Variants in TRPM8 observed in about 807,000 individuals in gnomAD.
TRPM8 encodes the protein transient receptor potential cation channel subfamily M member 8.
TRPM8 carries 110 observed loss-of-function variants against 133.7 expected under a neutral mutation model. The ratio of observed to expected loss-of-function variants is 0.82; its 90% confidence interval spans 0.70 to 0.96. The LOEUF (loss-of-function observed/expected upper bound fraction) is 0.96. TRPM8 is among the 40% of genes least tolerant of loss of function. The pLI is 0.00. For missense variants in TRPM8, 1,291 were observed against 1,379.5 expected (o/e 0.94, Z 1.02); for synonymous variants, 535 against 532.3 (o/e 1.01, Z -0.07).
At chr2:233,956,555 A>G (rs966264138) in intron 11 of TRPM8, among the ~76,000 whole-genome samples, 1 of 152,168 alleles carries the variant, frequency 6.6e-6, no homozygotes, top group Non-Finnish European at 1.5e-5. Context: ...GTGATAATAT[A>G]TGTAATTTTA....
intron 3 of TRPM8, among the ~76,000 whole-genome samples, chr2:233,935,317 G>T (rs75138265): frequency 0.023 from 3,542 of 152,324 alleles, 241 homozygotes; most frequent in East Asian, 0.23. Context: ...ATGTATGGTT[G>T]CTGGGCTGTG....
At chr2:234,004,635 T>A (rs569812815) in intron 22 of TRPM8, among the ~76,000 whole-genome samples, 2 of 152,364 alleles carry the variant, frequency 1.3e-5, no homozygotes, top group Admixed American at 1.3e-4. Flanking sequence ...TAAAAATGTA[T>A]GCTACACAGT....
chr2:234,006,427 T>G (rs1191459082), intron 22 of TRPM8, among the ~76,000 whole-genome samples: 1 of 152,202 alleles, frequency 6.6e-6, no homozygotes, highest in Non-Finnish European at 1.5e-5. Flanking sequence ...CCTCCAGAGC[T>G]CCTACCCCAG....
rs1692847091 is a variant in TRPM8 at position 234,011,868 on chromosome 2, G to T, written c.3265-2694G>T. Among the ~76,000 whole-genome samples, 4 of 136,432 alleles carry T rather than the reference G, an allele frequency of 2.9e-5. No homozygotes were observed. The South Asian group carries it at 9.2e-4, about 31-fold the overall frequency. 89.5% of individuals were successfully genotyped at this position (136,432 alleles called of 152,430 possible). ...GGAGGCAGAGCTTGCAGTGAACCGA[G>T]ATCGCGCCACTGCACTCCAGCCTGG... On this transcript the variant is annotated intron_variant, in intron 24 of 25. Coordinates refer to ENST00000324695, the MANE Select transcript of TRPM8 (RefSeq NM_024080.5).
In TRPM8 at chr2:233,966,671, C is replaced by T. The variant is rs768473436; in HGVS notation, c.1941C>T (p.Ser647=). 41 of 1,613,910 alleles carry T rather than the reference C, an allele frequency of 2.5e-5. No individual in the cohort carries two copies. In the Admixed American group the frequency reaches 6.8e-4, roughly 27 times the overall value. ...EDLAEQLLVY[S]CEAWGGSNCL... ...TGGCAGAACAGCTGCTGGTCTATTC[C>T]TGTGAAGCTTGGGGTGGAAGCAACT... The change falls in exon 15 of 26, where the codon TCC becomes TCT. Residue 647 remains serine (S), a synonymous_variant. Coordinates refer to ENST00000324695, the MANE Select transcript of TRPM8 (RefSeq NM_024080.5).
At chr2:233,966,787 C>T (rs201232735) in intron 15 of TRPM8, 32 bp downstream of exon 15, 55 of 1,488,304 alleles carry the variant, frequency 3.7e-5, no homozygotes, top group Middle Eastern at 3.6e-4. Flanking sequence ...GACCACACGG[C>T]CAGAAATGGG....
At chr2:234,004,128 T>C (rs1001914699) in intron 22 of TRPM8, among the ~76,000 whole-genome samples, 10 of 152,182 alleles carry the variant, frequency 6.6e-5, no homozygotes, top group Admixed American at 1.3e-4. Flanking sequence ...TGGACCTGTC[T>C]CCCAAGTGGG....
At chr2:233,988,374 G>A (rs929268914) in intron 21 of TRPM8, among the ~76,000 whole-genome samples, 1 of 152,008 alleles carries the variant, frequency 6.6e-6, no homozygotes, top group East Asian at 1.9e-4. Flanking sequence ...AGCCCCTATG[G>A]CACTCTTTTA....
intron 2 of TRPM8, among the ~76,000 whole-genome samples, chr2:233,928,997 C>CT (rs750819533): frequency 0.019 from 2,263 of 117,588 alleles, 98 homozygotes; most frequent in African/African-American, 0.077. Context: ...AGTTTCTTTT[C>CT]TTTTTTTTTT....
At chr2:234,012,623 G>T (rs1431999756) in intron 24 of TRPM8, among the ~76,000 whole-genome samples, 1 of 151,732 alleles carries the variant, frequency 6.6e-6, no homozygotes, top group African/African-American at 2.4e-5. Context: ...GATTTCTCTG[G>T]CTAGAACTTG....
At chr2:234,009,747 G>C (rs6431652) in intron 24 of TRPM8, among the ~76,000 whole-genome samples, 113,721 of 152,032 alleles carry the variant, frequency 0.75, 42,978 homozygotes, top group African/African-American at 0.85. Flanking sequence ...TTTACTCACA[G>C]AGAATTTTAG....
chr2:233,976,244 T>C (rs1691870442), intron 17 of TRPM8, among the ~76,000 whole-genome samples: 1 of 152,164 alleles, frequency 6.6e-6, no homozygotes, highest in Non-Finnish European at 1.5e-5. Context: ...AGTCTTACAC[T>C]TACTGGGAGG....
At chr2:233,975,191 G>A (rs112936902) in intron 17 of TRPM8, among the ~76,000 whole-genome samples, 2 of 5,108 alleles carry the variant, frequency 3.9e-4, no homozygotes, top group African/African-American at 1.0e-3. Flanking sequence ...TTTGGTCCTC[G>A]GGCTAGCACA....
intron 17 of TRPM8, among the ~76,000 whole-genome samples, chr2:233,977,578 A>G (rs1309646281): frequency 6.6e-6 from 1 of 152,048 alleles, no homozygotes; most frequent in African/African-American, 2.4e-5. Context: ...CCCTTATCTT[A>G]CCAGGCACCA....
At position 233,927,785 on chromosome 2, in the gene TRPM8, T is replaced by C. The variant is rs1030448112; in HGVS notation, c.117+1131T>C. On this transcript the variant is annotated intron_variant, in intron 2 of 25. Transcript: ENST00000324695. The stretch of plus-strand genomic sequence containing the variant: ...TTCTTTCTTTCTTTCTTTCTTTCTT[T>C]CTTTCTTTTCTTTCCTTCCTTCCTT... 6.2e-3 allele frequency among the ~76,000 whole-genome samples: 297 copies of C among 47,836 alleles called. 25 individuals are homozygous for C. Among genetic ancestry groups the C allele is most frequent in the African/African-American group, 0.035 (101 of 2,868 alleles). The allele number at this position is 47,836 out of a possible 152,430, so 31.4% of individuals were successfully genotyped here. A position where few individuals can be genotyped will look rare whatever the true frequency, so the allele number is the denominator to read the frequency against.
chr2:233,991,886 C>T (rs143585064), intron 21 of TRPM8, among the ~76,000 whole-genome samples: 148 of 152,250 alleles, frequency 9.7e-4, no homozygotes, highest in Middle Eastern at 6.8e-3. Context: ...TCTTCTTTCT[C>T]CTTCCCCCAA....
intron 12 of TRPM8, among the ~76,000 whole-genome samples, chr2:233,961,802 G>A (rs955693313): frequency 6.6e-6 from 1 of 151,274 alleles, no homozygotes; most frequent in Non-Finnish European, 1.5e-5. Context: ...GCTAATTTTT[G>A]TATTTTTAGT....
intron 10 of TRPM8, 117 bp downstream of exon 10, chr2:233,954,136 T>A (rs998215885): frequency 1.5e-6 from 1 of 652,320 alleles, no homozygotes. Context: ...TACTTAATTT[T>A]GATGATCCTA....
chr2:233,950,220 C>T, intron 9 of TRPM8, 74 bp downstream of exon 9: 2 of 1,389,074 alleles, frequency 1.4e-6, no homozygotes, highest in South Asian at 2.6e-5. Flanking sequence ...GCCTTAAACG[C>T]CCAACTCCAC....
Sources: allele counts gnomAD v4.1 joint callset (sites outside exome capture counted in the v4.1 genomes callset), GRCh38; gene constraint gnomAD v4.1.1; transcripts MANE v1.5; gene names NCBI Gene and HGNC (gene_info 2026-07-23, HGNC 2026-07-21).